The following DENND4C variants were observed in gnomAD, a reference collection of about 807,000 sequenced individuals.
DENND4C encodes the protein DENN domain containing 4C.
DENND4C carries 108 observed loss-of-function variants against 203.0 expected under a neutral mutation model. The observed-to-expected ratio is 0.53, with a 90% CI of 0.46 to 0.62. DENND4C has a LOEUF of 0.62. Ranked by LOEUF, DENND4C falls within the 20% of genes least tolerant of loss-of-function variation. The pLI is 0.00. For synonymous variants in DENND4C, 871 were observed against 792.4 expected (o/e 1.10, Z -1.67); for missense variants, 2,481 against 2,301.2 (o/e 1.08, Z -1.60).
At chr9:19,247,871 C>G (rs1033781763) in intron 1 of DENND4C, among the ~76,000 whole-genome samples, 1 of 152,194 alleles carries the variant, frequency 6.6e-6, no homozygotes. Flanking sequence ...TACTTGCTTT[C>G]TCTTTTTTCC....
intron 1 of DENND4C, among the ~76,000 whole-genome samples, chr9:19,253,651 C>T (rs1329022361): frequency 1.3e-5 from 2 of 152,168 alleles, no homozygotes; most frequent in African/African-American, 4.8e-5. Context: ...AGGGAACATA[C>T]AGCTGTTTTT....
At chr9:19,251,366 C>G (rs1232149905) in intron 1 of DENND4C, among the ~76,000 whole-genome samples, 3 of 152,276 alleles carry the variant, frequency 2.0e-5, no homozygotes, top group Admixed American at 6.5e-5. Flanking sequence ...GATGCTGGGC[C>G]CAGCCCACAA....
In DENND4C at chr9:19,332,196, A is replaced by G; in HGVS notation, c.2460+12A>G. ...ATCCCTTAGATGAGGCAAGTATAAC[A>G]AATTGACATTGTTTCTAAGGTAAAT... is the stretch of plus-strand genomic sequence containing the variant. On this transcript the variant is annotated intron_variant, in intron 17 of 32. Coordinates refer to ENST00000434457, the MANE Select transcript of DENND4C (RefSeq NM_001330640.2). 1.2e-6 allele frequency: 2 copies of G among 1,609,870 alleles called. No homozygotes were observed. The highest frequency in any genetic ancestry group is 1.7e-5 in the Admixed American group (1 of 59,738).
chr9:19,273,009 C>T (rs1053750613), intron 1 of DENND4C, among the ~76,000 whole-genome samples: 5 of 142,074 alleles, frequency 3.5e-5, no homozygotes, highest in Non-Finnish European at 6.0e-5. Flanking sequence ...AGTGCAGTGG[C>T]GCGATCTTGG....
In DENND4C at chr9:19,316,813, C is replaced by G; in HGVS notation, c.1781C>G (p.Ala594Gly). The change falls in exon 12 of 33, where the codon GCT becomes GGT. Residue 594 changes from alanine (A) to glycine (G), a missense_variant. Physicochemically the swap from Ala to Gly is moderately conservative, Grantham distance 60. Around this residue, in one of 3 missense-constraint regions of DENND4C, gnomAD observed 2,289 missense variants for 2,113.3 expected, o/e 1.08. Coordinates refer to ENST00000434457, the MANE Select transcript of DENND4C (RefSeq NM_001330640.2). Reference sequence around the variant, plus strand: ...GAGGCTCCTTCAAATAAAGCCACAGCTGCTGATTCATTGTTTGACCGACAG... The same window carrying G: ...GAGGCTCCTTCAAATAAAGCCACAGGTGCTGATTCATTGTTTGACCGACAG... The part of the protein sequence containing the change: ...ITEAPSNKAT[A>G]ADSLFDRQGF... The G allele has an allele frequency of 6.2e-7, 1 of 1,613,498 alleles. No individual in the cohort carries two copies.
At chr9:19,238,004 C>T (rs1463054394) in intron 1 of DENND4C, among the ~76,000 whole-genome samples, 1 of 151,892 alleles carries the variant, frequency 6.6e-6, no homozygotes, top group East Asian at 1.9e-4. Context: ...AATATGAGGT[C>T]AGGGTGTCAG....
intron 9 of DENND4C, among the ~76,000 whole-genome samples, chr9:19,305,087 T>G (rs1467358045): frequency 6.6e-6 from 1 of 152,150 alleles, no homozygotes; most frequent in Non-Finnish European, 1.5e-5. Context: ...GTGCTTTGTA[T>G]AGATACTAGA....
At chr9:19,286,089 A>G (rs1235713120) in intron 2 of DENND4C, among the ~76,000 whole-genome samples, 1 of 152,188 alleles carries the variant, frequency 6.6e-6, no homozygotes, top group African/African-American at 2.4e-5. Context: ...GATCTATTTG[A>G]GGGTATTGCC....
chr9:19,348,051 T>C (rs554347416), intron 23 of DENND4C, among the ~76,000 whole-genome samples: 24 of 152,356 alleles, frequency 1.6e-4, no homozygotes, highest in African/African-American at 4.3e-4. Flanking sequence ...AAGGCAGATA[T>C]GTATAATGTT....
intron 6 of DENND4C, among the ~76,000 whole-genome samples, 192 bp from the exon 7 acceptor site, chr9:19,297,864 T>C (rs1036723782): frequency 5.3e-5 from 8 of 152,142 alleles, no homozygotes; most frequent in African/African-American, 1.9e-4. Context: ...AGGAAATACA[T>C]TGTGTATTTC....
At chr9:19,311,665 C>T (rs925770898) in intron 10 of DENND4C, among the ~76,000 whole-genome samples, 2 of 152,084 alleles carry the variant, frequency 1.3e-5, no homozygotes, top group African/African-American at 4.8e-5. Context: ...AATGCTTAAG[C>T]ACCTCACTCA....
chr9:19,365,936 G>A (rs1303896687), intron 30 of DENND4C, among the ~76,000 whole-genome samples: 2 of 151,952 alleles, frequency 1.3e-5, no homozygotes, highest in Non-Finnish European at 2.9e-5. Context: ...ATAAGTAAAT[G>A]GAAAGAATCC....
intron 2 of DENND4C, among the ~76,000 whole-genome samples, chr9:19,279,849 A>C (rs1325452573): frequency 6.6e-6 from 1 of 152,016 alleles, no homozygotes; most frequent in East Asian, 1.9e-4. Flanking sequence ...GAAGAAAAAA[A>C]AATCTATTTT....
intron 1 of DENND4C, among the ~76,000 whole-genome samples, chr9:19,232,756 G>C (rs1820894704): frequency 6.6e-6 from 1 of 152,120 alleles, no homozygotes; most frequent in African/African-American, 2.4e-5. Context: ...GCCAAATTTG[G>C]GAGATTATTT....
chr9:19,314,457 G>C (rs1012675837), intron 10 of DENND4C, among the ~76,000 whole-genome samples: 18 of 152,088 alleles, frequency 1.2e-4, no homozygotes, highest in Admixed American at 3.9e-4. Flanking sequence ...TACACATGGG[G>C]TACAGTGTAT....
At chr9:19,316,544 T>C (rs1841883523) in intron 11 of DENND4C, 27 bp downstream of exon 11, 1 of 1,601,746 alleles carries the variant, frequency 6.2e-7, no homozygotes, top group East Asian at 2.2e-5. Flanking sequence ...GGAATATTAT[T>C]AATGAAGGAA....
rs758450700 is a variant in DENND4C at position 19,305,544 on chromosome 9, T to G, written c.1487+17T>G. ...GTTATATGTGTAAGTTGATTCATTTTATATTATCTCCCATTTATATTTTTC... is the reference window on the plus strand; with the variant it reads ...GTTATATGTGTAAGTTGATTCATTTGATATTATCTCCCATTTATATTTTTC... On this transcript the variant is annotated intron_variant, in intron 10 of 32. Transcript: ENST00000434457. 2 of 1,599,710 alleles carry G rather than the reference T, an allele frequency of 1.3e-6. No individual in the cohort carries two copies. The highest frequency in any genetic ancestry group is 1.7e-5 in the Admixed American group (1 of 59,576).
intron 30 of DENND4C, among the ~76,000 whole-genome samples, chr9:19,368,243 CAG>C (rs1828086641): frequency 6.9e-6 from 1 of 144,964 alleles, no homozygotes; most frequent in Non-Finnish European, 1.5e-5. Context: ...GTTATCATAA[CAG>C]AGGACTTTGC....
chr9:19,268,612 A>G (rs919291233), intron 1 of DENND4C, among the ~76,000 whole-genome samples: 1 of 152,152 alleles, frequency 6.6e-6, no homozygotes, highest in African/African-American at 2.4e-5. Flanking sequence ...CCTGTAGGAC[A>G]GGTCTGGTGT....
Sources: allele counts gnomAD v4.1 joint callset (sites outside exome capture counted in the v4.1 genomes callset), GRCh38; gene constraint gnomAD v4.1.1; regional missense constraint gnomAD v4.1.1; transcripts MANE v1.5; gene names NCBI Gene and HGNC (gene_info 2026-07-23, HGNC 2026-07-21).